The following MED15 variants were observed in gnomAD, a reference collection of about 807,000 sequenced individuals.
MED15 encodes the protein mediator complex subunit 15.
MED15 carries 41 observed loss-of-function variants against 118.7 expected under a neutral mutation model. The observed-to-expected ratio is 0.35, with a 90% confidence interval of 0.27 to 0.45. MED15 has a LOEUF of 0.45. Among genes scored for constraint, MED15 ranks in the 20% least tolerant of loss-of-function variants. The pLI is 1.00. For synonymous variants in MED15, 436 were observed against 413.9 expected, an observed-to-expected ratio of 1.05 and a Z score of -0.65; for missense variants, 740 against 1,025.5, an observed-to-expected ratio of 0.72 and a Z score of 3.80.
At chr22:20,546,201 C>T (rs5995891) in intron 2 of MED15, among the ~76,000 whole-genome samples, 2 of 152,222 alleles carry the variant, frequency 1.3e-5, no homozygotes, top group Non-Finnish European at 2.9e-5. Context: ...CAGCCCTCCC[C>T]ATGGGCTCTG....
At chr22:20,567,982 G>A (rs910838748) in intron 7 of MED15, among the ~76,000 whole-genome samples, 2 of 152,216 alleles carry the variant, frequency 1.3e-5, no homozygotes, top group African/African-American at 4.8e-5. Flanking sequence ...TGGGGCTGCA[G>A]GTGTGCATCC....
chr22:20,572,553 A>G (rs1028703872), intron 8 of MED15, among the ~76,000 whole-genome samples: 2 of 152,246 alleles, frequency 1.3e-5, no homozygotes, highest in African/African-American at 4.8e-5. Flanking sequence ...AGTGTTATTT[A>G]TGTAGCTGAG....
At chr22:20,584,258 G>A in intron 13 of MED15, 101 bp from the exon 14 acceptor site, 1 of 1,213,792 alleles carries the variant, frequency 8.2e-7, no homozygotes, top group South Asian at 1.2e-5. Flanking sequence ...AGCTCCTGCA[G>A]AGGTTTCTGA....
At chr22:20,515,351 A>G (rs1252076562) in intron 1 of MED15, among the ~76,000 whole-genome samples, 1 of 152,204 alleles carries the variant, frequency 6.6e-6, no homozygotes, top group African/African-American at 2.4e-5. Flanking sequence ...GAGTTACTCT[A>G]CATGTTGTAA....
Position 20,515,505 on chromosome 22 carries a change from G to A in MED15, c.68+7759G>A, listed in dbSNP as rs201217530. Among the ~76,000 whole-genome samples, 23 of 152,024 alleles carry A rather than the reference G, an allele frequency of 1.5e-4. No homozygotes were observed. In the East Asian group the frequency reaches 3.7e-3, roughly 24 times the overall value. ...CAAAAAATCTCATAATAAAGTTTAC[G>A]AAGGCTGGGCGTAGTGGCTCACGCC... On this transcript the variant is annotated intron_variant, in intron 1 of 17. Coordinates refer to ENST00000263205, the MANE Select transcript of MED15 (RefSeq NM_001003891.3).
At chr22:20,510,417 A>T (rs143061890) in intron 1 of MED15, among the ~76,000 whole-genome samples, 69 of 152,250 alleles carry the variant, frequency 4.5e-4, no homozygotes, top group African/African-American at 1.6e-3. Context: ...CACATTTATC[A>T]TTTGGTAGTT....
intron 2 of MED15, among the ~76,000 whole-genome samples, chr22:20,549,768 G>A (rs1601552203): frequency 1.3e-5 from 2 of 152,276 alleles, no homozygotes; most frequent in East Asian, 3.9e-4. Context: ...CAGAGCTGGA[G>A]CAGATGGCAG....
intron 1 of MED15, among the ~76,000 whole-genome samples, chr22:20,516,317 A>AAATAAT (rs57339699): frequency 1.7e-4 from 26 of 150,832 alleles, no homozygotes; most frequent in South Asian, 4.2e-4. Flanking sequence ...CCGTCTCAAT[A>AAATAAT]AATAATAATA....
At chr22:20,537,051 G>A in intron 1 of MED15, 66 bp from the exon 2 acceptor site, 1 of 1,454,212 alleles carries the variant, frequency 6.9e-7, no homozygotes, top group South Asian at 1.2e-5. Context: ...AGGGCCTGTT[G>A]GCCAGGGCCC....
In MED15 at chr22:20,553,875, A is replaced by G. The variant is rs113463049; in HGVS notation, c.238+701A>G. The stretch of plus-strand genomic sequence containing the variant: ...GACTGAGTGAGACTCCATCTCAAAA[A>G]AAAAGTTTAGAAATCCATATTTTTA... On this transcript the variant is annotated intron_variant, in intron 4 of 17. Transcript: ENST00000263205. Among the ~76,000 whole-genome samples, 879 of 152,332 alleles carry G rather than the reference A, an allele frequency of 5.8e-3. 10 individuals carry two copies. Among genetic ancestry groups the G allele is most frequent in the African/African-American group, 0.019 (804 of 41,574 alleles).
intron 2 of MED15, among the ~76,000 whole-genome samples, chr22:20,540,097 C>A (rs2055237158): frequency 6.6e-6 from 1 of 151,900 alleles, no homozygotes; most frequent in African/African-American, 2.4e-5. Flanking sequence ...TGGAGGGATG[C>A]AGGGGGTGTT....
At chr22:20,545,901 T>TG (rs1237769758) in intron 2 of MED15, among the ~76,000 whole-genome samples, 2 of 152,194 alleles carry the variant, frequency 1.3e-5, no homozygotes, top group African/African-American at 4.8e-5. Context: ...AGTCAGCAGT[T>TG]GCTGTGGTTT....
At chr22:20,546,444 T>G (rs2146492493) in intron 2 of MED15, among the ~76,000 whole-genome samples, 1 of 151,946 alleles carries the variant, frequency 6.6e-6, no homozygotes, top group South Asian at 2.1e-4. Flanking sequence ...GATGGTTTCA[T>G]CATTTAATTA....
chr22:20,586,918 A>C lies in MED15; in HGVS notation c.*214A>C, dbSNP rs2057152543. The C allele has an allele frequency of 1.5e-6, 1 of 682,732 alleles. No individual in the cohort carries two copies. Among genetic ancestry groups the C allele is most frequent in the African/African-American group, 1.8e-5 (1 of 55,476 alleles). The allele number at this position is 682,732 out of a possible 1,614,324, so 42.3% of individuals were successfully genotyped here. ...CGGGTTGCTTGGGGGGCGTTGGCCG[A>C]CTTCTTAGAGAAGGCCCTCCATGTG... On this transcript the variant is annotated 3_prime_UTR_variant, in exon 18 of 18. Coordinates refer to ENST00000263205, the MANE Select transcript of MED15 (RefSeq NM_001003891.3).
At chr22:20,523,842 A>G in intron 1 of MED15, 1 of 985,346 alleles carries the variant, frequency 1.0e-6, no homozygotes. Context: ...GAAGGGCAGC[A>G]GCCTTTTCTG....
At chr22:20,581,593 G>GT (rs2056984281) in intron 9 of MED15, among the ~76,000 whole-genome samples, 1 of 152,144 alleles carries the variant, frequency 6.6e-6, no homozygotes, top group Admixed American at 6.5e-5. Context: ...GGCCTTCAGG[G>GT]TTCCCCCAGT....
chr22:20,518,097 T>C (rs2054316779), intron 1 of MED15, among the ~76,000 whole-genome samples: 1 of 152,258 alleles, frequency 6.6e-6, no homozygotes, highest in Non-Finnish European at 1.5e-5. Flanking sequence ...ACTGCCATAA[T>C]GCGTCAACAT....
intron 9 of MED15, chr22:20,582,243 A>C (rs1240783183): frequency 2.9e-6 from 1 of 350,370 alleles, no homozygotes; most frequent in Non-Finnish European, 5.3e-6. Flanking sequence ...ACAGAGGAGC[A>C]TGTCACAGGA....
chr22:20,586,803 T>G lies in MED15; in HGVS notation c.*99T>G. 6.7e-7 allele frequency: 1 copy of G among 1,498,720 alleles called. No individual in the cohort carries two copies. Among genetic ancestry groups the G allele is most frequent in the Non-Finnish European group, 9.0e-7 (1 of 1,114,090 alleles). 92.8% of individuals were successfully genotyped at this position (1,498,720 alleles called of 1,614,324 possible). A position where few individuals can be genotyped will look rare whatever the true frequency, so the allele number is the denominator to read the frequency against. ...TTGGCTTCCTTAGAGAGCCTGGGGT[T>G]AGGTTAGCTTTCCTGCTTTTATCTT... On this transcript the variant is annotated 3_prime_UTR_variant, in exon 18 of 18. Coordinates refer to ENST00000263205, the MANE Select transcript of MED15 (RefSeq NM_001003891.3).
Sources: allele counts gnomAD v4.1 joint callset (sites outside exome capture counted in the v4.1 genomes callset), GRCh38; gene constraint gnomAD v4.1.1; transcripts MANE v1.5; gene names NCBI Gene and HGNC (gene_info 2026-07-23, HGNC 2026-07-21).